TCERG1L: variants seen among roughly 807,000 people sequenced by gnomAD.
TCERG1L encodes the protein transcription elongation regulator 1 like.
A neutral mutation model predicts 56.3 loss-of-function variants in TCERG1L; 37 were observed. That is an observed-to-expected ratio of 0.66 (90% CI 0.51 to 0.87). The LOEUF (loss-of-function observed/expected upper bound fraction) is 0.87. Among genes scored for constraint, TCERG1L ranks in the 40% least tolerant of loss-of-function variants. TCERG1L has a pLI of 0.00. For missense variants in TCERG1L, 799 were observed against 774.2 expected (o/e 1.03, Z -0.38); for synonymous variants, 324 against 326.3 (o/e 0.99, Z 0.08).
In TCERG1L at chr10:131,132,389, G is replaced by A. The variant is rs544551025; in HGVS notation, c.1259+1990C>T. Among the ~76,000 whole-genome samples, 17 of 152,302 alleles carry A rather than the reference G, an allele frequency of 1.1e-4. No individual in the cohort carries two copies. In the South Asian group the frequency reaches 2.5e-3, roughly 22 times the overall value. On this transcript the variant is annotated intron_variant, in intron 8 of 11. Coordinates refer to ENST00000368642, the MANE Select transcript of TCERG1L (RefSeq NM_174937.4). ...TGTTTCAAAGTTGGTTTTCAGTGAC[G>A]GAAGTCATTCAGATGATTAAAACTA... is the stretch of plus-strand genomic sequence containing the variant.
At chr10:131,200,663 ACT>A (rs1266884203) in intron 4 of TCERG1L, among the ~76,000 whole-genome samples, 3 of 151,978 alleles carry the variant, frequency 2.0e-5, no homozygotes, top group Non-Finnish European at 2.9e-5. Context: ...TGTTTAAAAG[ACT>A]CTGCGCTTTT....
chr10:131,169,445 A>G (rs550443646), intron 4 of TCERG1L, among the ~76,000 whole-genome samples: 26 of 152,204 alleles, frequency 1.7e-4, no homozygotes, highest in Admixed American at 3.3e-4. Context: ...AGCAGGCCCA[A>G]GCGATGGGAC....
At chr10:131,166,380 C>T (rs1404957935) in intron 5 of TCERG1L, among the ~76,000 whole-genome samples, 1 of 152,258 alleles carries the variant, frequency 6.6e-6, no homozygotes, top group Non-Finnish European at 1.5e-5. Context: ...GCTTCAAATG[C>T]ACTGTCTTGG....
chr10:131,276,057 G>T (rs1203288736), intron 3 of TCERG1L, among the ~76,000 whole-genome samples: 1 of 152,198 alleles, frequency 6.6e-6, no homozygotes, highest in East Asian at 1.9e-4. Flanking sequence ...TGCAGCAGGT[G>T]CTTAACACAT....
At chr10:131,188,758 T>G (rs748946908) in intron 4 of TCERG1L, among the ~76,000 whole-genome samples, 14 of 151,768 alleles carry the variant, frequency 9.2e-5, no homozygotes, top group Middle Eastern at 3.4e-3. Flanking sequence ...TTCACTATAT[T>G]CACATGATTC....
At chr10:131,127,832 C>T (rs1282705692) in intron 8 of TCERG1L, among the ~76,000 whole-genome samples, 1 of 152,048 alleles carries the variant, frequency 6.6e-6, no homozygotes, top group Admixed American at 6.6e-5. Context: ...CTCTTGTCAC[C>T]GTCTCATCTA....
chr10:131,094,747 CT>C (rs538057670), intron 11 of TCERG1L, among the ~76,000 whole-genome samples: 2 of 152,112 alleles, frequency 1.3e-5, no homozygotes, highest in Non-Finnish European at 2.9e-5. Flanking sequence ...CCCTTCCTTC[CT>C]TTACTGATGT....
intron 4 of TCERG1L, among the ~76,000 whole-genome samples, chr10:131,222,071 C>T (rs796343696): frequency 5.3e-5 from 8 of 152,332 alleles, no homozygotes; most frequent in African/African-American, 1.4e-4. Flanking sequence ...AGTCTCAAAC[C>T]GGAAAGAGAA....
intron 6 of TCERG1L, among the ~76,000 whole-genome samples, chr10:131,153,347 T>C (rs1197292219): frequency 6.6e-6 from 1 of 152,162 alleles, no homozygotes; most frequent in African/African-American, 2.4e-5. Flanking sequence ...CAGGGCAGCA[T>C]GAGGAAGCTG....
At chr10:131,113,995 C>T (rs1353224397) in intron 9 of TCERG1L, among the ~76,000 whole-genome samples, 1 of 142,052 alleles carries the variant, frequency 7.0e-6, no homozygotes, top group Non-Finnish European at 1.6e-5. Flanking sequence ...AGGAAAAACA[C>T]AATAAAACAA....
chr10:131,242,370 A>G (rs1845983408), intron 4 of TCERG1L, among the ~76,000 whole-genome samples: 2 of 152,216 alleles, frequency 1.3e-5, no homozygotes, highest in Admixed American at 1.3e-4. Flanking sequence ...GTGTAAGAGA[A>G]AGAAAATGGG....
intron 4 of TCERG1L, among the ~76,000 whole-genome samples, chr10:131,216,282 T>A (rs959046952): frequency 6.6e-6 from 1 of 151,784 alleles, no homozygotes; most frequent in African/African-American, 2.4e-5. Flanking sequence ...TATGGAAGGG[T>A]AGAGACTGGG....
chr10:131,242,483 G>C, intron 4 of TCERG1L, among the ~76,000 whole-genome samples: 1 of 152,128 alleles, frequency 6.6e-6, no homozygotes, highest in South Asian at 2.1e-4. Flanking sequence ...AGTGGTCAAG[G>C]TGCGGGTTTC....
At chr10:131,153,573 C>T (rs1241090045) in intron 6 of TCERG1L, among the ~76,000 whole-genome samples, 1 of 152,172 alleles carries the variant, frequency 6.6e-6, no homozygotes, top group Admixed American at 6.5e-5. Flanking sequence ...AAGAAAGAGG[C>T]TTTACATTTG....
chr10:131,170,110 C>G (rs888024982), intron 4 of TCERG1L, among the ~76,000 whole-genome samples: 1 of 152,138 alleles, frequency 6.6e-6, no homozygotes, highest in Non-Finnish European at 1.5e-5. Context: ...AAATAGTTTT[C>G]TTAATAACCG....
intron 4 of TCERG1L, among the ~76,000 whole-genome samples, chr10:131,231,966 CCATGTGT>C (rs1001681144): frequency 6.6e-6 from 1 of 152,166 alleles, no homozygotes; most frequent in Non-Finnish European, 1.5e-5. Flanking sequence ...AAGCTGCTTT[CCATGTGT>C]GAACAATGGC....
chr10:131,250,531 A>G (rs933732071), intron 4 of TCERG1L, among the ~76,000 whole-genome samples: 63 of 139,332 alleles, frequency 4.5e-4, no homozygotes, highest in Non-Finnish European at 2.5e-4. Context: ...CCACGAACGC[A>G]GGGAATCCTG....
chr10:131,148,595 C>T (rs1845828468), intron 6 of TCERG1L, among the ~76,000 whole-genome samples: 1 of 151,894 alleles, frequency 6.6e-6, no homozygotes, highest in African/African-American at 2.4e-5. Context: ...CACAGACACA[C>T]ATGCACACGT....
intron 7 of TCERG1L, among the ~76,000 whole-genome samples, chr10:131,135,733 C>A (rs768394889): frequency 6.6e-6 from 1 of 152,174 alleles, no homozygotes; most frequent in African/African-American, 2.4e-5. Flanking sequence ...GTAGCGGGAC[C>A]GGGGTGCAAT....
Sources: gnomAD v4.1 joint callset for allele counts (sites outside exome capture counted in the v4.1 genomes callset) on GRCh38, gnomAD v4.1.1 for gene constraint, MANE v1.5 for transcripts, NCBI Gene and HGNC (gene_info 2026-07-23, HGNC 2026-07-21) for gene names.